SLC28A3: variants seen among roughly 807,000 people sequenced by gnomAD.
SLC28A3 encodes the protein concentrative Na(+)-nucleoside cotransporter 3.
A neutral mutation model predicts 84.2 loss-of-function variants in SLC28A3; 68 were observed. The ratio of observed to expected loss-of-function variants is 0.81; its 90% CI spans 0.66 to 0.99. SLC28A3 has a LOEUF of 0.99. Among genes scored for constraint, SLC28A3 ranks in the 50% least tolerant of loss-of-function variants. The probability of loss-of-function intolerance (pLI) is 0.00; values close to 1 mark genes in which losing one functional copy is unlikely to be tolerated. For synonymous variants in SLC28A3, 267 were observed against 303.6 expected, an observed-to-expected ratio of 0.88 and a Z score of 1.25; for missense variants, 712 against 841.5, an observed-to-expected ratio of 0.85 and a Z score of 1.90.
chr9:84,318,418 T>A (rs1325511999), intron 1 of SLC28A3, among the ~76,000 whole-genome samples: 1 of 152,138 alleles, frequency 6.6e-6, no homozygotes, highest in African/African-American at 2.4e-5. Flanking sequence ...CATTCTTCCC[T>A]TGGGAACTTT....
intron 5 of SLC28A3, 55 bp from the exon 6 acceptor site, chr9:84,299,780 C>G: frequency 6.6e-7 from 1 of 1,517,664 alleles, no homozygotes; most frequent in Non-Finnish European, 8.8e-7. Flanking sequence ...ACTTGAGAAT[C>G]ATAATCAGGC....
At chr9:84,329,321 G>C (rs1017330395) in intron 1 of SLC28A3, among the ~76,000 whole-genome samples, 2 of 152,146 alleles carry the variant, frequency 1.3e-5, no homozygotes, top group African/African-American at 4.8e-5. Flanking sequence ...TAGAGAGATG[G>C]TCAGTAAGAA....
At chr9:84,311,695 CAA>C (rs35081916) in intron 2 of SLC28A3, among the ~76,000 whole-genome samples, 20 of 149,188 alleles carry the variant, frequency 1.3e-4, no homozygotes, top group Non-Finnish European at 2.7e-4. Context: ...ACTAAAAATA[CAA>C]AAAAAAAAAT....
intron 3 of SLC28A3, 51 bp downstream of exon 3, chr9:84,309,578 A>AAAACC (rs748882261): frequency 4.8e-6 from 7 of 1,444,856 alleles, no homozygotes; most frequent in East Asian, 2.3e-5. Flanking sequence ...ACAAAGTAAT[A>AAAACC]AAACCAAACG....
At chr9:84,280,101 G>A in intron 15 of SLC28A3, 28 bp from the exon 16 acceptor site, 1 of 1,602,632 alleles carries the variant, frequency 6.2e-7, no homozygotes, top group Non-Finnish European at 8.5e-7. Flanking sequence ...AGGGATGTGA[G>A]ATCAATGTTG....
chr9:84,288,063 A>C lies in SLC28A3; in HGVS notation c.1265T>G (p.Met422Arg). 1 of 1,613,840 alleles carries C rather than the reference A, an allele frequency of 6.2e-7. No homozygotes were observed. The highest frequency in any genetic ancestry group is 8.5e-7 in the Non-Finnish European group (1 of 1,179,888). The change falls in exon 12 of 18, where the codon ATG becomes AGG. Residue 422 changes from methionine (M) to arginine (R), a missense_variant. Coordinates refer to ENST00000376238, the MANE Select transcript of SLC28A3 (RefSeq NM_001199633.2). Reference protein sequence around the residue: ...EKPKITLKNAMKMESGDSGNL... With the variant: ...EKPKITLKNARKMESGDSGNL... ...TCACACTTACCCACTTTCCATTTTC[A>C]TGGCATTCTTGAGGGTTATTTTAGG...
chr9:84,293,799 T>C (rs1017155717), intron 9 of SLC28A3, among the ~76,000 whole-genome samples: 26 of 152,316 alleles, frequency 1.7e-4, no homozygotes, highest in African/African-American at 5.8e-4. Context: ...GTGTCTACTT[T>C]TGTAACCTCC....
At chr9:84,368,404 A>G in the SLC28A3 span, among the ~76,000 whole-genome samples, 28 of 152,250 alleles carry the variant, frequency 1.8e-4, no homozygotes, top group Non-Finnish European at 2.9e-5. Context: ...CTACATAGAC[A>G]CAGTAACAGT....
intron 5 of SLC28A3, among the ~76,000 whole-genome samples, chr9:84,301,349 C>CAAAAAAAAAA (rs59917986): frequency 6.7e-5 from 3 of 44,702 alleles, no homozygotes; most frequent in African/African-American, 6.2e-5. Flanking sequence ...GACTCTGTCT[C>CAAAAAAAAAA]AAAAAAAAAA....
At chr9:84,313,258 G>C in intron 2 of SLC28A3, 101 bp downstream of exon 2, 1 of 921,068 alleles carries the variant, frequency 1.1e-6, no homozygotes, top group Non-Finnish European at 1.7e-6. Context: ...GTTCCTCTGC[G>C]TGCCAGTGGG....
At chr9:84,326,051 C>A (rs1025179268) in intron 1 of SLC28A3, among the ~76,000 whole-genome samples, 2 of 152,064 alleles carry the variant, frequency 1.3e-5, no homozygotes, top group Non-Finnish European at 2.9e-5. Context: ...GAGTGGAAAT[C>A]GTGTTGTGCT....
chr9:84,281,565 A>T (rs1271992941), intron 14 of SLC28A3, among the ~76,000 whole-genome samples: 1 of 152,236 alleles, frequency 6.6e-6, no homozygotes, highest in African/African-American at 2.4e-5. Context: ...CTGTTTGTGA[A>T]ACAGTATGGA....
intron 1 of SLC28A3, among the ~76,000 whole-genome samples, chr9:84,329,673 T>TAA (rs11387666): frequency 6.6e-5 from 10 of 151,140 alleles, no homozygotes; most frequent in African/African-American, 1.7e-4. Flanking sequence ...CTCTGTCTTA[T>TAA]AAAAAAAAGA....
chr9:84,352,060 T>G, the SLC28A3 span, among the ~76,000 whole-genome samples: 1 of 152,226 alleles, frequency 6.6e-6, no homozygotes, highest in African/African-American at 2.4e-5. Flanking sequence ...TTTGAATTAT[T>G]CATATATGTA....
chr9:84,282,782 C>T (rs1824807832), intron 14 of SLC28A3, among the ~76,000 whole-genome samples: 1 of 152,172 alleles, frequency 6.6e-6, no homozygotes, highest in African/African-American at 2.4e-5. Context: ...TCTCAAAACC[C>T]TATGATTTTG....
At position 84,280,879 on chromosome 9, in the gene SLC28A3, G is replaced by T. The variant is rs201060612; in HGVS notation, c.1651C>A (p.Arg551Ser). Residue 551 changes from arginine to serine, a missense_variant, in exon 15 of 18, where the codon CGT becomes AGT. By Grantham distance (110) the Arg-to-Ser change is moderately radical. Coordinates refer to ENST00000376238, the MANE Select transcript of SLC28A3 (RefSeq NM_001199633.2). ...VNGVQQYISI[R>S]SEIIATYALC... ...GCGTAAGTGGCGATTATCTCAGAAC[G>T]AATCTGTAAGCAAGCATAAACACAT... is the stretch of plus-strand genomic sequence containing the variant. 2.5e-6 allele frequency: 4 copies of T among 1,613,760 alleles called. No individual in the cohort carries two copies. The highest frequency in any genetic ancestry group is 3.4e-6 in the Non-Finnish European group (4 of 1,179,948).
intron 1 of SLC28A3, among the ~76,000 whole-genome samples, chr9:84,333,038 C>T (rs1248714397): frequency 6.6e-6 from 1 of 152,122 alleles, no homozygotes; most frequent in Non-Finnish European, 1.5e-5. Context: ...GCCTGGGAGA[C>T]AGGTCTATCC....
chr9:84,356,437 G>A, the SLC28A3 span, among the ~76,000 whole-genome samples: 1 of 152,186 alleles, frequency 6.6e-6, no homozygotes, highest in Admixed American at 6.6e-5. Context: ...GTATTGTTCA[G>A]TGTGACTATC....
chr9:84,310,918 G>A (rs771601915), intron 2 of SLC28A3, among the ~76,000 whole-genome samples: 9 of 152,166 alleles, frequency 5.9e-5, no homozygotes, highest in Non-Finnish European at 2.9e-5. Context: ...AGTACCCCAA[G>A]TTACCTGCTA....
Sources: gnomAD v4.1 joint callset for allele counts (sites outside exome capture counted in the v4.1 genomes callset) on GRCh38, gnomAD v4.1.1 for gene constraint, MANE v1.5 for transcripts, NCBI Gene and HGNC (gene_info 2026-07-23, HGNC 2026-07-21) for gene names.